Variants in FNBP1 observed in about 807,000 individuals in gnomAD.
The protein encoded by FNBP1 is formin binding protein 1, also known as formin-binding protein 1.
In FNBP1, 26 loss-of-function variants were observed where a neutral mutation model predicts 90.6. The ratio of observed to expected loss-of-function variants is 0.29; its 90% CI spans 0.21 to 0.40. FNBP1 has a LOEUF of 0.40. Among genes scored for constraint, FNBP1 ranks in the 10% least tolerant of loss-of-function variants. The pLI, the probability that FNBP1 is intolerant of heterozygous loss-of-function variation, is 1.00. For missense variants in FNBP1, 635 were observed against 768.0 expected, an observed-to-expected ratio of 0.83 and a Z score of 2.05; for synonymous variants, 260 against 265.2, an observed-to-expected ratio of 0.98 and a Z score of 0.19.
chr9:129,904,571 G>A (rs1487719337), intron 12 of FNBP1, among the ~76,000 whole-genome samples: 1 of 152,182 alleles, frequency 6.6e-6, no homozygotes, highest in Non-Finnish European at 1.5e-5. Context: ...ATGAGAAATA[G>A]TTTAACTAAA....
chr9:129,908,904 C>T lies in FNBP1; in HGVS notation c.1281G>A (p.Lys427=). The T allele has an allele frequency of 3.1e-6, 5 of 1,609,588 alleles. No homozygotes were observed. Among genetic ancestry groups the T allele is most frequent in the Non-Finnish European group, 4.2e-6 (5 of 1,176,510 alleles). ...KVDELNKEIQ[K]EMDQRDAITK... is the part of the protein sequence containing the mutation. ...ATGCACTATACCTTTGATCCATCTC[C>T]TTCTGAATTTCTTTATTTAACTCAT... Residue 427 remains lysine (K), a synonymous_variant, in exon 12 of 17, where the codon AAG becomes AAA. Coordinates refer to ENST00000446176, the MANE Select transcript of FNBP1 (RefSeq NM_015033.3).
intron 4 of FNBP1, among the ~76,000 whole-genome samples, chr9:129,972,152 G>A (rs1017394504): frequency 6.6e-6 from 1 of 151,984 alleles, no homozygotes; most frequent in Non-Finnish European, 1.5e-5. Flanking sequence ...TTTATTTTTC[G>A]AGATGGAGTC....
the FNBP1 span, chr9:130,053,643 G>A: frequency 2.1e-6 from 1 of 472,136 alleles, no homozygotes. Flanking sequence ...AGCTCAGCGA[G>A]GCGGAGGTGC....
intron 6 of FNBP1, among the ~76,000 whole-genome samples, chr9:129,935,505 T>C (rs1369569908): frequency 6.6e-6 from 1 of 151,998 alleles, no homozygotes; most frequent in Non-Finnish European, 1.5e-5. Flanking sequence ...CTTTTTCTAT[T>C]GAGATGGAGT....
At chr9:129,958,256 A>AC (rs34883697) in intron 5 of FNBP1, among the ~76,000 whole-genome samples, 5 of 151,926 alleles carry the variant, frequency 3.3e-5, no homozygotes, top group African/African-American at 1.2e-4. Flanking sequence ...ACATGGCAAA[A>AC]CCCCATCTCT....
chr9:130,043,308 T>G, upstream of FNBP1: 1 of 187,182 alleles, frequency 5.3e-6, no homozygotes, highest in Non-Finnish European at 1.1e-5. Context: ...CCCGGCCCCC[T>G]CCCCCGGGCT....
chr9:130,007,239 C>CTCAAAA (rs368894485), intron 1 of FNBP1, among the ~76,000 whole-genome samples: 1 of 77,020 alleles, frequency 1.3e-5, no homozygotes, highest in Non-Finnish European at 2.3e-5. Flanking sequence ...GAGATCCTGT[C>CTCAAAA]AAAAAAAAAA....
chr9:130,053,613 G>C, the FNBP1 span: 10 of 393,296 alleles, frequency 2.5e-5, no homozygotes, highest in Middle Eastern at 7.5e-4. Flanking sequence ...GGGGTCCCCG[G>C]AGCCCAAGGT....
intron 1 of FNBP1, among the ~76,000 whole-genome samples, chr9:130,009,508 T>TAA (rs531560028): frequency 6.2e-5 from 9 of 145,874 alleles, no homozygotes; most frequent in Non-Finnish European, 1.5e-5. Flanking sequence ...TCATTTCTAC[T>TAA]AAAAAAAAAA....
At chr9:130,009,200 C>T (rs184244683) in intron 1 of FNBP1, among the ~76,000 whole-genome samples, 18 of 152,282 alleles carry the variant, frequency 1.2e-4, no homozygotes, top group Admixed American at 1.0e-3. Context: ...AAAACGCTTG[C>T]CAATTCATTC....
At chr9:130,006,196 A>C (rs1244181572) in intron 1 of FNBP1, among the ~76,000 whole-genome samples, 2 of 152,218 alleles carry the variant, frequency 1.3e-5, no homozygotes, top group Admixed American at 1.3e-4. Flanking sequence ...TAATCCTAGC[A>C]CTTTGGGAGG....
intron 12 of FNBP1, among the ~76,000 whole-genome samples, chr9:129,903,649 T>A (rs2037398382): frequency 6.6e-6 from 1 of 152,030 alleles, no homozygotes; most frequent in African/African-American, 2.4e-5. Context: ...ACTTTAAAAA[T>A]TTTTAATTAA....
intron 6 of FNBP1, among the ~76,000 whole-genome samples, chr9:129,930,583 C>CAATAATTTA (rs1472396170): frequency 6.6e-6 from 1 of 152,102 alleles, no homozygotes; most frequent in East Asian, 1.9e-4. Flanking sequence ...CCTAAAAAAT[C>CAATAATTTA]AATAATTTAC....
intron 6 of FNBP1, among the ~76,000 whole-genome samples, chr9:129,955,581 G>A (rs2132725885): frequency 6.6e-6 from 1 of 151,612 alleles, no homozygotes; most frequent in African/African-American, 2.4e-5. Context: ...GTCATTAGCA[G>A]GGTGTGGTGG....
At chr9:130,036,181 G>A (rs2059295131) in intron 1 of FNBP1, among the ~76,000 whole-genome samples, 1 of 152,264 alleles carries the variant, frequency 6.6e-6, no homozygotes, top group South Asian at 2.1e-4. Flanking sequence ...GGGCATTCAT[G>A]TATTCTTAGT....
In FNBP1 at chr9:129,889,029, T is replaced by C. The variant is rs1343360442; in HGVS notation, c.*1510A>G. On this transcript the variant is annotated 3_prime_UTR_variant, in exon 17 of 17. Coordinates refer to ENST00000446176, the MANE Select transcript of FNBP1 (RefSeq NM_015033.3). The stretch of plus-strand genomic sequence containing the variant: ...GGAGCTCTAGGCCAATGGTTCCTCT[T>C]GACTGTTTCTGCACCAAATGAGAGG... The C allele has an allele frequency of 6.9e-6, 1 of 145,420 alleles. No individual in the cohort carries two copies. The allele number at this position is 145,420 out of a possible 1,614,324, so 9.0% of individuals were successfully genotyped here.
At chr9:129,929,464 C>A (rs2132033565) in intron 7 of FNBP1, 103 bp downstream of exon 7, 41 of 682,498 alleles carry the variant, frequency 6.0e-5, no homozygotes, top group Non-Finnish European at 8.2e-5. Flanking sequence ...TATATAAAGA[C>A]TCAGACTCAG....
intron 1 of FNBP1, among the ~76,000 whole-genome samples, chr9:130,037,792 C>T (rs1231973140): frequency 6.6e-6 from 1 of 152,032 alleles, no homozygotes; most frequent in Admixed American, 6.6e-5. Flanking sequence ...TTTACAACTG[C>T]CGAAGTGCAG....
At chr9:129,975,146 A>G (rs1017574468) in intron 4 of FNBP1, among the ~76,000 whole-genome samples, 8 of 152,198 alleles carry the variant, frequency 5.3e-5, no homozygotes, top group South Asian at 2.1e-4. Flanking sequence ...TGGAACCCAG[A>G]AGGCGGAGGC....
Sources: gnomAD v4.1 joint callset for allele counts (sites outside exome capture counted in the v4.1 genomes callset) on GRCh38, gnomAD v4.1.1 for gene constraint, MANE v1.5 for transcripts, NCBI Gene and HGNC (gene_info 2026-07-23, HGNC 2026-07-21) for gene names.